Variants in PRTG observed in about 807,000 individuals in gnomAD.
PRTG encodes immunoglobulin superfamily, DCC subclass, member 5.
PRTG carries 67 observed loss-of-function variants against 122.5 expected under a neutral mutation model. The ratio of observed to expected loss-of-function variants is 0.55; its 90% CI spans 0.45 to 0.67. The LOEUF is 0.67. PRTG is among the 30% of genes least tolerant of loss of function. The pLI is 0.00. For synonymous variants in PRTG, 554 were observed against 501.1 expected (o/e 1.11, Z -1.41); for missense variants, 1,435 against 1,415.4 (o/e 1.01, Z -0.22).
rs1477822177 is a variant in PRTG at position 55,673,591 on chromosome 15, A to G, written c.1632T>C (p.Tyr544=). 5 of 1,614,124 alleles carry G rather than the reference A, an allele frequency of 3.1e-6. No individual in the cohort carries two copies. The highest frequency in any genetic ancestry group is 4.2e-6 in the Non-Finnish European group (5 of 1,180,054). ...LISWLPIPAK[Y]RRGQVVLYRL... ...GATACAGCACCACTTGGCCCCGCCGATATTTGGCTGGGATTGGCAGCCAGG... is the reference window on the plus strand; with the variant it reads ...GATACAGCACCACTTGGCCCCGCCGGTATTTGGCTGGGATTGGCAGCCAGG... Residue 544 remains tyrosine (Y), a synonymous_variant, in exon 10 of 20, where the codon TAT becomes TAC. Transcript: ENST00000389286.
chr15:55,627,697 A>G (rs2059203478), intron 16 of PRTG, among the ~76,000 whole-genome samples: 1 of 152,178 alleles, frequency 6.6e-6, no homozygotes, highest in Non-Finnish European at 1.5e-5. Flanking sequence ...CATGAACATC[A>G]ATTCATAATT....
intron 2 of PRTG, among the ~76,000 whole-genome samples, chr15:55,717,549 ACTG>A (rs1282544842): frequency 1.3e-5 from 2 of 152,246 alleles, no homozygotes; most frequent in African/African-American, 2.4e-5. Flanking sequence ...TGCTGAAGAA[ACTG>A]CTCATAAATG....
At chr15:55,691,975 T>C (rs962241530) in intron 2 of PRTG, among the ~76,000 whole-genome samples, 4 of 151,916 alleles carry the variant, frequency 2.6e-5, no homozygotes, top group Admixed American at 6.6e-5. Flanking sequence ...AGGTTGAGTC[T>C]GCAGTGAGCC....
At chr15:55,708,383 T>G (rs922706682) in intron 2 of PRTG, among the ~76,000 whole-genome samples, 2 of 149,976 alleles carry the variant, frequency 1.3e-5, no homozygotes, top group African/African-American at 4.9e-5. Context: ...CCTAGGCGGG[T>G]GGATCATGAG....
chr15:55,624,217 A>G (rs896849756), intron 18 of PRTG, 125 bp downstream of exon 18: 6 of 768,616 alleles, frequency 7.8e-6, no homozygotes, highest in African/African-American at 3.5e-5. Flanking sequence ...TAAAATTTCA[A>G]TATTTCATTA....
chr15:55,635,779 T>C (rs1388520982), intron 15 of PRTG, among the ~76,000 whole-genome samples: 2 of 152,266 alleles, frequency 1.3e-5, no homozygotes, highest in African/African-American at 2.4e-5. Flanking sequence ...TAAATTTATC[T>C]TCTTAATTGG....
intron 11 of PRTG, among the ~76,000 whole-genome samples, chr15:55,641,471 CTCCTCTTCCTTA>C (rs763582860): frequency 1.3e-5 from 2 of 152,186 alleles, no homozygotes; most frequent in Non-Finnish European, 2.9e-5. Flanking sequence ...TCTCCTTTCT[CTCCTCTTCCTTA>C]TCCTCTTCCT....
intron 15 of PRTG, among the ~76,000 whole-genome samples, chr15:55,630,261 C>T (rs1258256927): frequency 7.2e-5 from 11 of 152,278 alleles, no homozygotes; most frequent in African/African-American, 2.2e-4. Context: ...GATGGGATTA[C>T]AGGCATGAGC....
At position 55,620,171 on chromosome 15, in the gene PRTG, TG is replaced by T. The variant is rs1391752842; in HGVS notation, c.3293del (p.Thr1098LysfsTer46). 2 of 1,614,232 alleles carry T rather than the reference TG, an allele frequency of 1.2e-6. No homozygotes were observed. The highest frequency in any genetic ancestry group is 2.2e-5 in the South Asian group (2 of 91,086). On this transcript the variant is annotated frameshift_variant, in exon 20 of 20. Coordinates refer to ENST00000389286, the MANE Select transcript of PRTG (RefSeq NM_173814.6). LOFTEE classifies it high-confidence loss of function. ...CACCAAAGGGTCTTGAGAAGCTGGT[TG>T]TCTGACCTGGGGAGCTAGGGGAGTC... ...DEDSPSSPGQ[T>X]TSFSRPFGVA...
intron 11 of PRTG, among the ~76,000 whole-genome samples, chr15:55,651,215 C>T (rs1439001218): frequency 6.6e-6 from 1 of 151,914 alleles, no homozygotes; most frequent in Non-Finnish European, 1.5e-5. Flanking sequence ...AACCTTTCCC[C>T]CCGCCCCCAC....
At chr15:55,631,781 C>T (rs527592561) in intron 15 of PRTG, among the ~76,000 whole-genome samples, 12 of 152,222 alleles carry the variant, frequency 7.9e-5, no homozygotes, top group South Asian at 6.2e-4. Context: ...ACTTTCCTCA[C>T]GGAGACAATA....
chr15:55,736,238 C>A (rs1474006662), intron 2 of PRTG, among the ~76,000 whole-genome samples: 1 of 152,120 alleles, frequency 6.6e-6, no homozygotes, highest in Non-Finnish European at 1.5e-5. Flanking sequence ...TCAGTCCTTT[C>A]CAGTGCCTAC....
chr15:55,656,512 A>AT (rs993058235), intron 11 of PRTG, among the ~76,000 whole-genome samples: 27 of 152,074 alleles, frequency 1.8e-4, no homozygotes, highest in Non-Finnish European at 3.7e-4. Context: ...GAGCAGTGTA[A>AT]TTTTTTCTTT....
Position 55,673,643 on chromosome 15 carries a change from C to T in PRTG, c.1580G>A (p.Ser527Asn). 1.2e-6 allele frequency: 2 copies of T among 1,614,052 alleles called. No homozygotes were observed. Among genetic ancestry groups the T allele is most frequent in the Non-Finnish European group, 1.7e-6 (2 of 1,179,934 alleles). The change falls in exon 10 of 20, where the codon AGT becomes AAT. Residue 527 changes from serine (S) to asparagine (N), a missense_variant. Physicochemically the swap from Ser to Asn is conservative, Grantham distance 46. Transcript: ENST00000389286. ...PLRPPEISLT[S>N]RSPTDILISW... ...GATGAGAATATCAGTGGGACTTCGACTTGTCAAACTAATTTCAGGAGGTCT... is the reference window on the plus strand; with the variant it reads ...GATGAGAATATCAGTGGGACTTCGATTTGTCAAACTAATTTCAGGAGGTCT...
At chr15:55,622,723 C>T (rs2059173910) in intron 18 of PRTG, among the ~76,000 whole-genome samples, 4 of 151,390 alleles carry the variant, frequency 2.6e-5, no homozygotes, top group Admixed American at 2.6e-4. Context: ...TTTAGTAGAG[C>T]TGGGGTTTCT....
At chr15:55,698,826 T>C (rs1450465688) in intron 2 of PRTG, among the ~76,000 whole-genome samples, 1 of 149,418 alleles carries the variant, frequency 6.7e-6, no homozygotes, top group Non-Finnish European at 1.5e-5. Context: ...TGAATCATGC[T>C]CATAGAAAAA....
At position 55,641,160 on chromosome 15, in the gene PRTG, T is replaced by A. The variant is rs374530620; in HGVS notation, c.2090A>T (p.Asp697Val). The stretch of plus-strand genomic sequence containing the variant: ...AGTCTGATCTGCCTGATAGCCATCG[T>A]CTATGTTGTTGTAAGCCAGGAGTCT... The part of the protein sequence containing the change: ...HVRLLAYNNI[D>V]DGYQADQTVS... Residue 697 changes from aspartate (D) to valine (V), a missense_variant, in exon 12 of 20, where the codon GAC becomes GTC. Physicochemically the swap from Asp to Val is radical, Grantham distance 152. Coordinates refer to ENST00000389286, the MANE Select transcript of PRTG (RefSeq NM_173814.6). The A allele has an allele frequency of 7.7e-5, 124 of 1,613,884 alleles. No individual in the cohort carries two copies. Among genetic ancestry groups the A allele is most frequent in the Non-Finnish European group, 1.0e-4 (120 of 1,179,928 alleles).
intron 1 of PRTG, among the ~76,000 whole-genome samples, chr15:55,740,988 G>A (rs1281713238): frequency 2.0e-5 from 3 of 152,178 alleles, no homozygotes; most frequent in Non-Finnish European, 2.9e-5. Flanking sequence ...GAAAACTCAT[G>A]AGCACAAGCT....
At chr15:55,683,547 T>C (rs752585399) in intron 3 of PRTG, among the ~76,000 whole-genome samples, 2 of 152,084 alleles carry the variant, frequency 1.3e-5, no homozygotes, top group Non-Finnish European at 2.9e-5. Context: ...GAACAGATGG[T>C]TGAGGAAAGG....
Sources: gnomAD v4.1 joint callset for allele counts (sites outside exome capture counted in the v4.1 genomes callset) on GRCh38, gnomAD v4.1.1 for gene constraint, MANE v1.5 for transcripts, NCBI Gene and HGNC (gene_info 2026-07-23, HGNC 2026-07-21) for gene names.